Variants in RFX3 observed in about 807,000 individuals in gnomAD.
RFX3 encodes regulatory factor X3, also known as transcription factor RFX3.
Under a neutral mutation model 98.6 loss-of-function variants are expected in RFX3, and 14 were observed. The observed-to-expected ratio is 0.14, with a 90% CI of 0.09 to 0.22. The LOEUF (loss-of-function observed/expected upper bound fraction) is 0.22, where lower values mean the gene tolerates loss of function less well. Among genes scored for constraint, RFX3 ranks in the 10% least tolerant of loss-of-function variants. The probability of loss-of-function intolerance (pLI) is 1.00; values close to 1 mark genes in which losing one functional copy is unlikely to be tolerated. For synonymous variants in RFX3, 383 were observed against 328.4 expected, an observed-to-expected ratio of 1.17 and a Z score of -1.80; for missense variants, 639 against 926.9, an observed-to-expected ratio of 0.69 and a Z score of 4.03.
At chr9:3,472,019 G>A (rs559827194) in intron 1 of RFX3, among the ~76,000 whole-genome samples, 1 of 152,326 alleles carries the variant, frequency 6.6e-6, no homozygotes, top group Non-Finnish European at 1.5e-5. Flanking sequence ...GAGGTCCTGG[G>A]ACACAGAAGG....
chr9:3,290,020 C>A (rs570354699), intron 6 of RFX3, among the ~76,000 whole-genome samples: 1 of 151,872 alleles, frequency 6.6e-6, no homozygotes, highest in African/African-American at 2.4e-5. Context: ...AAAGTAAATG[C>A]TAAACAGTTT....
rs185960629 is a variant in RFX3 at position 3,467,185 on chromosome 9, T to G, written c.-9+58562A>C. 1.9e-3 allele frequency among the ~76,000 whole-genome samples: 277 copies of G among 144,372 alleles called. 1 individual carries two copies. The highest frequency in any genetic ancestry group is 6.8e-3 in the African/African-American group (266 of 39,050). The allele number at this position is 144,372 out of a possible 152,430, so 94.7% of individuals were successfully genotyped here. A position where few individuals can be genotyped will look rare whatever the true frequency, so the allele number is the denominator to read the frequency against. On this transcript the variant is annotated intron_variant, in intron 1 of 16. Transcript: ENST00000617270. ...TATACGTATATAATGTATATATGTA[T>G]ATACATATATAATGTATGTGTATAT...
chr9:3,277,584 G>A (rs2304928), intron 7 of RFX3, 123 bp from the exon 8 acceptor site: 77,115 of 782,422 alleles, frequency 0.099, 4,073 homozygotes, highest in Middle Eastern at 0.14. Context: ...ATAGTTGTAG[G>A]ATTTTTTTCC....
At chr9:3,289,366 A>G (rs1827040380) in intron 6 of RFX3, among the ~76,000 whole-genome samples, 1 of 152,156 alleles carries the variant, frequency 6.6e-6, no homozygotes, top group Non-Finnish European at 1.5e-5. Context: ...TGCTTTCAGC[A>G]CAATAAAGCA....
chr9:3,414,442 C>A (rs980224535), intron 1 of RFX3, among the ~76,000 whole-genome samples: 1 of 151,448 alleles, frequency 6.6e-6, no homozygotes, highest in Non-Finnish European at 1.5e-5. Flanking sequence ...GACATATTTG[C>A]TGTCCTACCA....
intron 15 of RFX3, among the ~76,000 whole-genome samples, chr9:3,238,495 A>G (rs1819480094): frequency 6.6e-6 from 1 of 152,220 alleles, no homozygotes; most frequent in African/African-American, 2.4e-5. Flanking sequence ...ATCAGCATGT[A>G]AACCTTGGCC....
At chr9:3,488,984 G>T in intron 1 of RFX3, 1 of 623,228 alleles carries the variant, frequency 1.6e-6, no homozygotes, top group Non-Finnish European at 2.0e-6. Flanking sequence ...TCACATCTTT[G>T]ATTGAAACAA....
chr9:3,433,371 T>C (rs1262180712), intron 1 of RFX3, among the ~76,000 whole-genome samples: 4 of 152,184 alleles, frequency 2.6e-5, no homozygotes, highest in East Asian at 1.9e-4. Context: ...TCTACTCCCA[T>C]TGAATGAATA....
intron 4 of RFX3, among the ~76,000 whole-genome samples, chr9:3,329,837 A>G (rs904031941): frequency 1.3e-5 from 2 of 152,240 alleles, no homozygotes; most frequent in South Asian, 2.1e-4. Context: ...ATGAGCTAGC[A>G]TAAATATTAT....
At chr9:3,403,099 A>G (rs1395905405) in intron 1 of RFX3, among the ~76,000 whole-genome samples, 2 of 152,112 alleles carry the variant, frequency 1.3e-5, no homozygotes, top group African/African-American at 4.8e-5. Flanking sequence ...TAATTTCTTA[A>G]AACTCTGACA....
At chr9:3,314,416 A>C (rs1274013046) in intron 4 of RFX3, among the ~76,000 whole-genome samples, 1 of 152,194 alleles carries the variant, frequency 6.6e-6, no homozygotes, top group Non-Finnish European at 1.5e-5. Context: ...CACTGCAAAA[A>C]CATGCCAGAT....
intron 1 of RFX3, among the ~76,000 whole-genome samples, chr9:3,448,281 A>G (rs930192398): frequency 2.6e-5 from 4 of 152,168 alleles, no homozygotes; most frequent in Middle Eastern, 3.2e-3. Context: ...TCTCTTAAAA[A>G]TGATCCTTTC....
chr9:3,435,657 C>A (rs1342689991), intron 1 of RFX3, among the ~76,000 whole-genome samples: 2 of 151,872 alleles, frequency 1.3e-5, no homozygotes. Context: ...ATTGTATTTA[C>A]CTTATTCACC....
intron 4 of RFX3, among the ~76,000 whole-genome samples, chr9:3,328,488 C>T (rs965673215): frequency 1.3e-5 from 2 of 151,922 alleles, no homozygotes; most frequent in African/African-American, 4.8e-5. Flanking sequence ...CATAAATATA[C>T]TGATGTGACT....
chr9:3,311,465 C>T (rs930889690), intron 4 of RFX3, among the ~76,000 whole-genome samples: 1 of 152,210 alleles, frequency 6.6e-6, no homozygotes, highest in African/African-American at 2.4e-5. Context: ...GGAAGCCATT[C>T]AACCAGGAAC....
chr9:3,280,851 A>T (rs1825836059), intron 7 of RFX3, among the ~76,000 whole-genome samples: 1 of 151,748 alleles, frequency 6.6e-6, no homozygotes, highest in South Asian at 2.1e-4. Flanking sequence ...GTTGGTCCCA[A>T]ATAGATTCCT....
chr9:3,404,802 ACT>A (rs1841811113), intron 1 of RFX3, among the ~76,000 whole-genome samples: 1 of 152,050 alleles, frequency 6.6e-6, no homozygotes, highest in East Asian at 1.9e-4. Flanking sequence ...GGGGAAAAAA[ACT>A]CTTCTTTTTC....
chr9:3,327,615 C>T lies in RFX3; in HGVS notation c.474+2644G>A, dbSNP rs148417517. Among the ~76,000 whole-genome samples the T allele has an allele frequency of 6.3e-3, 935 of 149,298 alleles. 3 individuals are homozygous for T. The highest frequency in any genetic ancestry group is 9.9e-3 in the Non-Finnish European group (665 of 67,406). The stretch of plus-strand genomic sequence containing the variant: ...AGGAAAATTTTCTTATTTAAAAAAA[C>T]GCAAAACAAAAAAAAATCACCTTAG... On this transcript the variant is annotated intron_variant, in intron 4 of 16. Transcript: ENST00000617270.
chr9:3,464,548 A>T (rs926837596), intron 1 of RFX3, among the ~76,000 whole-genome samples: 1 of 152,194 alleles, frequency 6.6e-6, no homozygotes, highest in Non-Finnish European at 1.5e-5. Context: ...TTTATATAAA[A>T]TTCTAGAAAC....
Sources: gnomAD v4.1 joint callset for allele counts (sites outside exome capture counted in the v4.1 genomes callset) on GRCh38, gnomAD v4.1.1 for gene constraint, MANE v1.5 for transcripts, NCBI Gene and HGNC (gene_info 2026-07-23, HGNC 2026-07-21) for gene names.